Variants in LARP1B observed in about 807,000 individuals in gnomAD.
The protein encoded by LARP1B is la-related protein 1B.
In LARP1B, 76 loss-of-function variants were observed where a neutral mutation model predicts 114.2. That is an observed-to-expected ratio of 0.67 (90% CI 0.55 to 0.81). The LOEUF (loss-of-function observed/expected upper bound fraction) is 0.81. Ranked by LOEUF, LARP1B falls within the 30% of genes least tolerant of loss-of-function variation. The pLI is 0.00. For synonymous variants in LARP1B, 345 were observed against 348.0 expected, an observed-to-expected ratio of 0.99 and a Z score of 0.10; for missense variants, 1,014 against 1,075.8, an observed-to-expected ratio of 0.94 and a Z score of 0.80.
In LARP1B at chr4:128,098,169, C is replaced by T. The variant is rs1269868443; in HGVS notation, c.669-17C>T. ...TCCTACTAAATAAATGGATGAAATT[C>T]TGATTTCTCTTTTCAGTGAATATTA... is the stretch of plus-strand genomic sequence containing the variant. On this transcript the variant is annotated splice_polypyrimidine_tract_variant and intron_variant, in intron 7 of 19. Coordinates refer to ENST00000326639, the MANE Select transcript of LARP1B (RefSeq NM_018078.4). 6 of 1,583,024 alleles carry T rather than the reference C, an allele frequency of 3.8e-6. No homozygotes were observed. Among genetic ancestry groups the T allele is most frequent in the South Asian group, 1.1e-5 (1 of 89,590 alleles).
At chr4:128,096,104 C>T (rs922699318) in intron 7 of LARP1B, among the ~76,000 whole-genome samples, 56 of 151,988 alleles carry the variant, frequency 3.7e-4, no homozygotes, top group African/African-American at 1.3e-3. Flanking sequence ...CACCATTCTC[C>T]TGCCTCAGCC....
intron 5 of LARP1B, among the ~76,000 whole-genome samples, chr4:128,085,353 CTTTTTTTTTTTTTTT>C (rs35260726): frequency 1.2e-5 from 1 of 85,846 alleles, no homozygotes; most frequent in Non-Finnish European, 2.1e-5. Flanking sequence ...CCTTAGCTTC[CTTTTTTTTTTTTTTT>C]TTTTTTTTTA....
At chr4:128,151,620 T>A (rs1732825364) in intron 11 of LARP1B, among the ~76,000 whole-genome samples, 1 of 152,068 alleles carries the variant, frequency 6.6e-6, no homozygotes, top group African/African-American at 2.4e-5. Flanking sequence ...TTTTTTTTTT[T>A]AAGGTGGAGT....
At chr4:128,070,685 C>T (rs1445431931) in intron 1 of LARP1B, among the ~76,000 whole-genome samples, 5 of 151,562 alleles carry the variant, frequency 3.3e-5, no homozygotes, top group African/African-American at 7.3e-5. Context: ...TTAGGATGAC[C>T]GGCTGTAGTG....
intron 3 of LARP1B, among the ~76,000 whole-genome samples, chr4:128,075,420 G>C (rs889454401): frequency 6.6e-6 from 1 of 152,154 alleles, no homozygotes; most frequent in African/African-American, 2.4e-5. Flanking sequence ...TCATCAAGAA[G>C]ATTACATTTT....
intron 11 of LARP1B, among the ~76,000 whole-genome samples, chr4:128,149,236 A>G (rs867135044): frequency 6.6e-6 from 1 of 152,220 alleles, no homozygotes; most frequent in Non-Finnish European, 1.5e-5. Flanking sequence ...TTAGCACTAC[A>G]GTACTCTGAA....
chr4:128,064,882 C>T (rs920812347), intron 1 of LARP1B, among the ~76,000 whole-genome samples: 4 of 151,894 alleles, frequency 2.6e-5, no homozygotes, highest in African/African-American at 9.7e-5. Flanking sequence ...GCATTCTAGC[C>T]TGGGCAATAT....
chr4:128,210,153 G>A lies in LARP1B; in HGVS notation c.*100G>A. The A allele has an allele frequency of 1.9e-6, 3 of 1,543,302 alleles. No individual in the cohort carries two copies. The highest frequency in any genetic ancestry group is 1.8e-4 in the Middle Eastern group (1 of 5,624). ...GTCCTTGAAGTCAACATTTACATCA[G>A]TATTTATTTGGGGAAAATCTTCTGG... On this transcript the variant is annotated 3_prime_UTR_variant, in exon 20 of 20. Coordinates refer to ENST00000326639, the MANE Select transcript of LARP1B (RefSeq NM_018078.4).
intron 17 of LARP1B, among the ~76,000 whole-genome samples, chr4:128,204,975 T>C (rs1757163285): frequency 6.6e-6 from 1 of 152,202 alleles, no homozygotes; most frequent in Non-Finnish European, 1.5e-5. Flanking sequence ...GAACAACTGA[T>C]GTCGGTATAT....
At chr4:128,166,711 C>T (rs1353791400) in intron 12 of LARP1B, among the ~76,000 whole-genome samples, 3 of 151,356 alleles carry the variant, frequency 2.0e-5, no homozygotes, top group Admixed American at 6.6e-5. Flanking sequence ...TATTTTTTTA[C>T]CTACATCTCC....
At chr4:128,213,205 C>T (rs1049330095), downstream of LARP1B, among the ~76,000 whole-genome samples, 15 of 151,976 alleles carry the variant, frequency 9.9e-5, no homozygotes, top group African/African-American at 1.5e-4. Context: ...TGAGCCACTG[C>T]GCCTGGCCAC....
intron 12 of LARP1B, among the ~76,000 whole-genome samples, chr4:128,170,483 T>C (rs951601855): frequency 1.3e-5 from 2 of 152,184 alleles, no homozygotes; most frequent in African/African-American, 2.4e-5. Context: ...TTCAGTTCTG[T>C]TGTATTTTGC....
At chr4:128,193,423 G>C (rs149066705) in intron 15 of LARP1B, among the ~76,000 whole-genome samples, 101 of 152,118 alleles carry the variant, frequency 6.6e-4, no homozygotes, top group African/African-American at 2.1e-3. Context: ...CTGGTTCTCT[G>C]ATGGTTTCAG....
Position 128,114,590 on chromosome 4 carries a change from A to T in LARP1B, c.1009A>T (p.Arg337Ter), listed in dbSNP as rs1179350091. ...TTTAGAGTCTGCCCCAAATTCTCCA[A>T]GAATTGGAAGCCCATTGAGCCCAAA... ...SHTESAPNSPRIGSPLSPKKN... is the reference protein window; with the variant it reads ...SHTESAPNSP The change falls in exon 10 of 20, where the codon AGA becomes TGA. Residue 337 changes from arginine (R) to a stop codon, truncating the protein, a stop_gained. Coordinates refer to ENST00000326639, the MANE Select transcript of LARP1B (RefSeq NM_018078.4). LOFTEE classifies it high-confidence loss of function. 1 of 1,611,938 alleles carries T rather than the reference A, an allele frequency of 6.2e-7. No homozygotes were observed. Among genetic ancestry groups the T allele is most frequent in the East Asian group, 2.2e-5 (1 of 44,858 alleles).
chr4:128,158,502 C>G (rs949355298), intron 11 of LARP1B, among the ~76,000 whole-genome samples: 14 of 151,798 alleles, frequency 9.2e-5, no homozygotes, highest in Admixed American at 7.9e-4. Flanking sequence ...AATAAAAAGG[C>G]AAGTTAAAAA....
chr4:128,083,550 C>G (rs1387955806), intron 5 of LARP1B, among the ~76,000 whole-genome samples: 3 of 148,282 alleles, frequency 2.0e-5, no homozygotes, highest in African/African-American at 7.5e-5. Context: ...ACCTCCCGGA[C>G]GGGGCGGCTG....
At chr4:128,148,184 A>T (rs1167946743) in intron 11 of LARP1B, among the ~76,000 whole-genome samples, 1 of 152,136 alleles carries the variant, frequency 6.6e-6, no homozygotes, top group Non-Finnish European at 1.5e-5. Flanking sequence ...TAATCCTAGC[A>T]CTTTGGGAGG....
chr4:128,122,342 A>G (rs1788212141), intron 11 of LARP1B, 154 bp downstream of exon 11: 2 of 1,462,452 alleles, frequency 1.4e-6, no homozygotes, highest in African/African-American at 1.4e-5. Context: ...ATACCTGATA[A>G]TTACCACCTG....
At chr4:128,061,946 C>T in intron 1 of LARP1B, 1 of 985,226 alleles carries the variant, frequency 1.0e-6, no homozygotes, top group Non-Finnish European at 1.2e-6. Flanking sequence ...CGTGAGGCCC[C>T]TGGCGCTGCA....
Sources: gnomAD v4.1 joint callset for allele counts (sites outside exome capture counted in the v4.1 genomes callset) on GRCh38, gnomAD v4.1.1 for gene constraint, MANE v1.5 for transcripts, NCBI Gene and HGNC (gene_info 2026-07-23, HGNC 2026-07-21) for gene names.